Variants in PACS1 observed in about 807,000 individuals in gnomAD.
PACS1 encodes PACS-1.
A neutral mutation model predicts 115.0 loss-of-function variants in PACS1; 24 were observed. The ratio of observed to expected loss-of-function variants is 0.21; its 90% CI spans 0.15 to 0.29. PACS1 has a LOEUF of 0.29. PACS1 is among the 10% of genes least tolerant of loss of function. The pLI is 1.00. For synonymous variants in PACS1, 453 were observed against 504.5 expected (o/e 0.90, Z 1.37); for missense variants, 838 against 1,251.2 (o/e 0.67, Z 4.98).
chr11:66,125,982 G>T (rs1030862734), intron 1 of PACS1, among the ~76,000 whole-genome samples: 1 of 149,844 alleles, frequency 6.7e-6, no homozygotes, highest in Non-Finnish European at 1.5e-5. Flanking sequence ...AGAGGTTACA[G>T]TGAGCCGAGA....
intron 1 of PACS1, among the ~76,000 whole-genome samples, chr11:66,145,660 A>G (rs1417831129): frequency 6.6e-6 from 1 of 152,216 alleles, no homozygotes; most frequent in Non-Finnish European, 1.5e-5. Context: ...GGGAATCTGC[A>G]TGAACGTATG....
Position 66,090,859 on chromosome 11 carries a change from A to G in PACS1, c.356+20017A>G, listed in dbSNP as rs146946729. The stretch of plus-strand genomic sequence containing the variant: ...CACGATAACCCTGACTTTCCAGCCA[A>G]TGGATTGAGAAATCCTTGGCCTGTT... On this transcript the variant is annotated intron_variant, in intron 1 of 23. Coordinates refer to ENST00000320580, the MANE Select transcript of PACS1 (RefSeq NM_018026.4). Among the ~76,000 whole-genome samples, 572 of 152,326 alleles carry G rather than the reference A, an allele frequency of 3.8e-3. 4 individuals are homozygous for G. Among genetic ancestry groups the G allele is most frequent in the African/African-American group, 0.013 (534 of 41,564 alleles).
At chr11:66,193,600 G>T in intron 2 of PACS1, 27 bp downstream of exon 2, 3 of 1,544,980 alleles carry the variant, frequency 1.9e-6, no homozygotes, top group Non-Finnish European at 2.7e-6. Flanking sequence ...TGTTTGTTCA[G>T]GGCCCAGGGA....
At chr11:66,123,063 A>G (rs1327530927) in intron 1 of PACS1, among the ~76,000 whole-genome samples, 1 of 152,198 alleles carries the variant, frequency 6.6e-6, no homozygotes, top group Admixed American at 6.5e-5. Flanking sequence ...TTATTTTAAG[A>G]AATTGTCACA....
At chr11:66,105,913 G>T (rs1281484511) in intron 1 of PACS1, among the ~76,000 whole-genome samples, 1 of 152,268 alleles carries the variant, frequency 6.6e-6, no homozygotes. Flanking sequence ...TTAGATAAAA[G>T]CCTTTTTATT....
chr11:66,175,565 G>A (rs1020554173), intron 1 of PACS1, among the ~76,000 whole-genome samples: 1 of 152,086 alleles, frequency 6.6e-6, no homozygotes, highest in Non-Finnish European at 1.5e-5. Flanking sequence ...CACTTTCACT[G>A]TCACTTTGCT....
Position 66,230,923 on chromosome 11 carries a change from C to G in PACS1, c.1609C>G (p.Leu537Val), listed in dbSNP as rs1855578792. Residue 537 changes from leucine (L) to valine (V), a missense_variant, in exon 13 of 24, where the codon CTG becomes GTG. By Grantham distance (32) the Leu-to-Val change is conservative. Around this residue, in one of 6 missense-constraint regions of PACS1, gnomAD observed 383 missense variants for 537.0 expected, o/e 0.71. Transcript: ENST00000320580. ...NSSDSERSPD[L>V]GHSTQIPRKV... ...TTCCGACAGCGAGCGCTCCCCAGATCTGGGCCACAGCACGCAGGTACTTCT... is the reference window on the plus strand; with the variant it reads ...TTCCGACAGCGAGCGCTCCCCAGATGTGGGCCACAGCACGCAGGTACTTCT... 1 of 1,613,990 alleles carries G rather than the reference C, an allele frequency of 6.2e-7. No individual in the cohort carries two copies. The highest frequency in any genetic ancestry group is 1.3e-5 in the African/African-American group (1 of 74,944).
chr11:66,183,493 C>G (rs1860050799), intron 1 of PACS1, among the ~76,000 whole-genome samples: 1 of 152,218 alleles, frequency 6.6e-6, no homozygotes, highest in Non-Finnish European at 1.5e-5. Flanking sequence ...AAATGCCTTG[C>G]TCATATGACA....
chr11:66,165,990 G>C (rs995275343), intron 1 of PACS1, among the ~76,000 whole-genome samples: 2 of 151,932 alleles, frequency 1.3e-5, no homozygotes, highest in Non-Finnish European at 2.9e-5. Flanking sequence ...CCCTTTCTTT[G>C]TCCATTATTC....
chr11:66,241,775 A>G, intron 22 of PACS1, 122 bp downstream of exon 22: 2 of 784,234 alleles, frequency 2.6e-6, no homozygotes, highest in Admixed American at 2.5e-5. Context: ...ATGGTCTGGC[A>G]TGGGGTGCAG....
chr11:66,183,308 TC>T (rs1486848600), intron 1 of PACS1, among the ~76,000 whole-genome samples: 2 of 152,222 alleles, frequency 1.3e-5, no homozygotes, highest in Non-Finnish European at 2.9e-5. Flanking sequence ...TGTTGAGACT[TC>T]CACAGGTGCC....
chr11:66,232,739 C>T (rs1482054078), intron 14 of PACS1, among the ~76,000 whole-genome samples: 2 of 152,044 alleles, frequency 1.3e-5, no homozygotes, highest in Admixed American at 6.6e-5. Context: ...ATGTGAAACC[C>T]CCTAAGGCTT....
intron 1 of PACS1, among the ~76,000 whole-genome samples, chr11:66,074,821 C>T (rs141803081): frequency 3.3e-5 from 5 of 152,160 alleles, no homozygotes; most frequent in Admixed American, 2.0e-4. Context: ...CGCTTGGGGG[C>T]ATTTGCCCCT....
intron 4 of PACS1, among the ~76,000 whole-genome samples, chr11:66,214,441 A>G (rs1855150138): frequency 6.6e-6 from 1 of 152,066 alleles, no homozygotes; most frequent in Non-Finnish European, 1.5e-5. Context: ...TTCTCTGTGA[A>G]GGACTTACAC....
intron 2 of PACS1, among the ~76,000 whole-genome samples, chr11:66,202,913 C>T (rs977911314): frequency 5.9e-5 from 9 of 151,456 alleles, no homozygotes; most frequent in African/African-American, 1.2e-4. Context: ...TCAGACTGAA[C>T]GGAGAAAAAC....
intron 1 of PACS1, among the ~76,000 whole-genome samples, chr11:66,177,762 C>A (rs1859903775): frequency 6.6e-6 from 1 of 152,184 alleles, no homozygotes; most frequent in African/African-American, 2.4e-5. Context: ...AGCTCTCACA[C>A]CACCATGCCC....
chr11:66,221,598 A>G (rs1855348692), intron 10 of PACS1: 1 of 184,478 alleles, frequency 5.4e-6, no homozygotes. Context: ...GTGAGCCAAG[A>G]TTGAGCCACT....
chr11:66,131,206 T>C (rs1417071770), intron 1 of PACS1, among the ~76,000 whole-genome samples: 1 of 152,248 alleles, frequency 6.6e-6, no homozygotes, highest in African/African-American at 2.4e-5. Context: ...CATATTTAAT[T>C]TCACTAAGTA....
Position 66,235,773 on chromosome 11 carries a change from A to C in PACS1, c.2208-125A>C. On this transcript the variant is annotated intron_variant, in intron 18 of 23. Coordinates refer to ENST00000320580, the MANE Select transcript of PACS1 (RefSeq NM_018026.4). This position sits in a 1 kb window ranked among gnomAD's most constrained non-coding sequence, Gnocchi z 5.6. Reference sequence around the variant, plus strand: ...CTTCCCCATGCCACCCCAGGATGTGATGGGCAGAGGCAGCCCAGCATCCTG... The same window carrying C: ...CTTCCCCATGCCACCCCAGGATGTGCTGGGCAGAGGCAGCCCAGCATCCTG... 1.2e-6 allele frequency: 1 copy of C among 841,398 alleles called. No individual in the cohort carries two copies. The highest frequency in any genetic ancestry group is 1.3e-5 in the South Asian group (1 of 74,614). The allele number at this position is 841,398 out of a possible 1,614,324, so 52.1% of individuals were successfully genotyped here. A position where few individuals can be genotyped will look rare whatever the true frequency, so the allele number is the denominator to read the frequency against.
Sources: gnomAD v4.1 joint callset for allele counts (sites outside exome capture counted in the v4.1 genomes callset) on GRCh38, gnomAD v4.1.1 for gene constraint, gnomAD v4.1.1 regional missense constraint, Gnocchi (gnomAD v3.1) non-coding constraint, MANE v1.5 for transcripts, NCBI Gene and HGNC (gene_info 2026-07-23, HGNC 2026-07-21) for gene names.